The following GALNTL6 variants were observed in gnomAD, a reference collection of about 807,000 sequenced individuals.
GALNTL6 encodes polypeptide N-acetylgalactosaminyltransferase-like 6.
GALNTL6 carries 46 observed loss-of-function variants against 73.7 expected under a neutral mutation model. The observed-to-expected ratio is 0.62, with a 90% confidence interval of 0.49 to 0.80. The LOEUF is 0.80. Ranked by LOEUF, GALNTL6 falls within the 30% of genes least tolerant of loss-of-function variation. The probability of loss-of-function intolerance (pLI) is 0.00; values close to 1 mark genes in which losing one functional copy is unlikely to be tolerated. For synonymous variants in GALNTL6, 259 were observed against 263.7 expected (o/e 0.98, Z 0.17); for missense variants, 604 against 755.0 (o/e 0.80, Z 2.34).
At chr4:172,640,945 C>T (rs1036076873) in intron 5 of GALNTL6, among the ~76,000 whole-genome samples, 3 of 152,062 alleles carry the variant, frequency 2.0e-5, no homozygotes, top group Non-Finnish European at 1.5e-5. Context: ...TGGAAATCCA[C>T]TCTCCCCACA....
At chr4:172,707,031 G>A (rs1052214079) in intron 5 of GALNTL6, among the ~76,000 whole-genome samples, 1 of 152,138 alleles carries the variant, frequency 6.6e-6, no homozygotes, top group African/African-American at 2.4e-5. Context: ...GGGGAAACTG[G>A]CTGTCTACCT....
chr4:171,864,015 G>A (rs780230297), intron 2 of GALNTL6, among the ~76,000 whole-genome samples: 4 of 152,080 alleles, frequency 2.6e-5, no homozygotes, highest in Non-Finnish European at 5.9e-5. Context: ...ACCTGCCTCG[G>A]CCTCCCAAAG....
intron 5 of GALNTL6, among the ~76,000 whole-genome samples, chr4:172,572,911 A>T (rs902203232): frequency 3.9e-5 from 6 of 152,130 alleles, no homozygotes; most frequent in African/African-American, 1.4e-4. Context: ...AATGGATTTC[A>T]TGCTAACCCT....
intron 12 of GALNTL6, among the ~76,000 whole-genome samples, chr4:173,032,119 A>C (rs570730370): frequency 1.3e-5 from 2 of 152,340 alleles, no homozygotes; most frequent in East Asian, 3.9e-4. Context: ...ATGAACTATT[A>C]GGTTGGTGCA....
intron 3 of GALNTL6, among the ~76,000 whole-genome samples, chr4:172,236,880 C>T (rs1449039582): frequency 1.3e-5 from 2 of 152,084 alleles, no homozygotes; most frequent in Non-Finnish European, 2.9e-5. Context: ...ACCCTTCATC[C>T]TCATGTAGGT....
chr4:171,877,959 T>C (rs1199941990), intron 2 of GALNTL6, among the ~76,000 whole-genome samples: 3 of 152,206 alleles, frequency 2.0e-5, no homozygotes, highest in African/African-American at 7.2e-5. Flanking sequence ...CTCAAATCCA[T>C]TGCCTCTATC....
intron 2 of GALNTL6, among the ~76,000 whole-genome samples, chr4:172,034,268 T>TCAGACAC (rs1741860013): frequency 6.6e-6 from 1 of 152,052 alleles, no homozygotes; most frequent in African/African-American, 2.4e-5. Flanking sequence ...GTGTACCAAC[T>TCAGACAC]CAGACACTTT....
At chr4:172,299,579 A>C (rs528116485) in intron 3 of GALNTL6, among the ~76,000 whole-genome samples, 1 of 152,222 alleles carries the variant, frequency 6.6e-6, no homozygotes, top group South Asian at 2.1e-4. Flanking sequence ...CTTTATTCTC[A>C]TTGGTTTCAA....
chr4:172,961,738 G>C (rs1043759972), intron 10 of GALNTL6, among the ~76,000 whole-genome samples: 2 of 152,216 alleles, frequency 1.3e-5, no homozygotes, highest in Admixed American at 6.5e-5. Flanking sequence ...AGAGAATAAA[G>C]AGAGGCTGCT....
At chr4:171,867,034 T>A (rs1276075509) in intron 2 of GALNTL6, among the ~76,000 whole-genome samples, 2 of 152,162 alleles carry the variant, frequency 1.3e-5, no homozygotes, top group African/African-American at 4.8e-5. Flanking sequence ...GAAAATATTC[T>A]ATTCAACCTG....
intron 5 of GALNTL6, among the ~76,000 whole-genome samples, chr4:172,570,954 G>T (rs113420198): frequency 6.6e-6 from 1 of 152,202 alleles, no homozygotes; most frequent in South Asian, 2.1e-4. Context: ...GTTTGTGCTC[G>T]TATGAGCATC....
chr4:172,886,668 C>A (rs1228113861), intron 8 of GALNTL6, among the ~76,000 whole-genome samples: 2 of 151,964 alleles, frequency 1.3e-5, no homozygotes, highest in East Asian at 3.9e-4. Context: ...GAGGCTGAGA[C>A]AGGAGAATTG....
In GALNTL6 at chr4:172,528,319, A is replaced by AATATAT. The variant is rs3083419; in HGVS notation, c.553+179671_553+179676dup. ...AATACATTTGGCTTGCTAGAAATAA[A>AATATAT]ATATATATATATATATATATATATA... is the stretch of plus-strand genomic sequence containing the variant. On this transcript the variant is annotated intron_variant, in intron 5 of 12. Coordinates refer to ENST00000506823, the MANE Select transcript of GALNTL6 (RefSeq NM_001034845.3). Among the ~76,000 whole-genome samples the AATATAT allele has an allele frequency of 4.1e-3, 425 of 103,334 alleles. 3 individuals are homozygous for AATATAT. The highest frequency in any genetic ancestry group is 9.1e-3 in the East Asian group (28 of 3,084). 67.8% of individuals were successfully genotyped at this position (103,334 alleles called of 152,430 possible).
intron 2 of GALNTL6, among the ~76,000 whole-genome samples, chr4:172,117,840 C>A (rs1323161670): frequency 6.6e-6 from 1 of 151,704 alleles, no homozygotes. Context: ...AAAAAGTTTC[C>A]AAATAGGAAA....
chr4:172,029,875 C>G (rs78183329), intron 2 of GALNTL6, among the ~76,000 whole-genome samples: 1,822 of 152,116 alleles, frequency 0.012, 20 homozygotes, highest in South Asian at 0.026. Flanking sequence ...TCTAGAAGAC[C>G]AAGCCCTATA....
intron 3 of GALNTL6, among the ~76,000 whole-genome samples, chr4:172,245,529 A>G (rs994420830): frequency 1.3e-5 from 2 of 152,200 alleles, no homozygotes; most frequent in African/African-American, 4.8e-5. Flanking sequence ...CCATTATGAC[A>G]TTAACAAAGT....
chr4:172,358,434 G>A (rs767616934), intron 5 of GALNTL6, among the ~76,000 whole-genome samples: 6 of 152,268 alleles, frequency 3.9e-5, no homozygotes, highest in African/African-American at 7.2e-5. Flanking sequence ...TGCAGGCCGC[G>A]TGCGGCCCAG....
Position 172,546,240 on chromosome 4 carries a change from G to A in GALNTL6, c.553+197551G>A, listed in dbSNP as rs1340190036. On this transcript the variant is annotated intron_variant, in intron 5 of 12. Coordinates refer to ENST00000506823, the MANE Select transcript of GALNTL6 (RefSeq NM_001034845.3). ...TAGTAAGTTCACATGCCATAACAGA[G>A]CTGTGTTTTACCAGAGGACAGATTT... Among the ~76,000 whole-genome samples the A allele has an allele frequency of 2.0e-5, 3 of 152,074 alleles. No homozygotes were observed. In the East Asian group the frequency reaches 5.8e-4, roughly 29 times the overall value.
intron 10 of GALNTL6, among the ~76,000 whole-genome samples, chr4:172,982,236 G>A (rs77336091): frequency 0.016 from 2,391 of 152,258 alleles, 21 homozygotes; most frequent in Middle Eastern, 0.027. Context: ...GCCCAGGCAG[G>A]TCCCAAATGC....
Sources: allele counts gnomAD v4.1 joint callset (sites outside exome capture counted in the v4.1 genomes callset), GRCh38; gene constraint gnomAD v4.1.1; transcripts MANE v1.5; gene names NCBI Gene and HGNC (gene_info 2026-07-23, HGNC 2026-07-21).